FAM171B: variants seen among roughly 807,000 people sequenced by gnomAD.
FAM171B encodes family with sequence similarity 171 member B.
A neutral mutation model predicts 75.6 loss-of-function variants in FAM171B; 19 were observed. The observed-to-expected ratio is 0.25, with a 90% CI of 0.18 to 0.37. The LOEUF is 0.37. FAM171B is among the 10% of genes least tolerant of loss of function. The pLI is 1.00. For synonymous variants in FAM171B, 367 were observed against 361.7 expected (o/e 1.01, Z -0.17); for missense variants, 848 against 982.4 (o/e 0.86, Z 1.83).
chr2:186,720,249 G>A (rs963460604), intron 1 of FAM171B, among the ~76,000 whole-genome samples: 4 of 152,182 alleles, frequency 2.6e-5, no homozygotes, highest in African/African-American at 9.7e-5. Flanking sequence ...TGTTGGCCAG[G>A]CTGATCTCGA....
chr2:186,725,524 G>A (rs1301558698), intron 1 of FAM171B, among the ~76,000 whole-genome samples: 3 of 152,072 alleles, frequency 2.0e-5, no homozygotes, highest in Non-Finnish European at 4.4e-5. Flanking sequence ...ATAAGTATCT[G>A]TGATTGAATT....
chr2:186,728,128 C>T (rs2105781356), intron 1 of FAM171B, among the ~76,000 whole-genome samples: 1 of 152,158 alleles, frequency 6.6e-6, no homozygotes, highest in African/African-American at 2.4e-5. Flanking sequence ...GATCTGGACT[C>T]AAAATGTTGA....
At chr2:186,715,063 T>C (rs1271340937) in intron 1 of FAM171B, among the ~76,000 whole-genome samples, 1 of 152,070 alleles carries the variant, frequency 6.6e-6, no homozygotes, top group Non-Finnish European at 1.5e-5. Context: ...AAATGGAAAA[T>C]TATTCAATAG....
intron 1 of FAM171B, among the ~76,000 whole-genome samples, chr2:186,707,830 CTTTT>C (rs59441406): frequency 5.1e-5 from 5 of 97,416 alleles, no homozygotes; most frequent in African/African-American, 2.0e-4. Context: ...TTAAATACCA[CTTTT>C]TTTTTTTAAA....
intron 1 of FAM171B, among the ~76,000 whole-genome samples, chr2:186,737,068 A>C (rs1690212978): frequency 6.6e-6 from 1 of 152,158 alleles, no homozygotes; most frequent in Admixed American, 6.5e-5. Context: ...GTAGCTAACT[A>C]TTTTCCTGAT....
At chr2:186,746,619 C>A (rs1460540565) in intron 3 of FAM171B, among the ~76,000 whole-genome samples, 2 of 152,204 alleles carry the variant, frequency 1.3e-5, no homozygotes, top group African/African-American at 4.8e-5. Context: ...TGTTACAACT[C>A]CTGGATGTAT....
intron 5 of FAM171B, among the ~76,000 whole-genome samples, chr2:186,752,612 C>A (rs1219896466): frequency 6.6e-6 from 1 of 152,126 alleles, no homozygotes; most frequent in Non-Finnish European, 1.5e-5. Context: ...CTGTTTGAGT[C>A]CTAGTTGCTG....
chr2:186,720,722 G>T (rs62173042), intron 1 of FAM171B, among the ~76,000 whole-genome samples: 6 of 128,934 alleles, frequency 4.7e-5, no homozygotes, highest in Admixed American at 7.7e-5. Flanking sequence ...AAAAAGAAAA[G>T]AAAACAAAAC....
At chr2:186,761,011 A>G (rs553361548) in intron 6 of FAM171B, 102 bp from the exon 7 acceptor site, 56 of 1,237,462 alleles carry the variant, frequency 4.5e-5, no homozygotes, top group Non-Finnish European at 6.0e-5. Flanking sequence ...GCAAACAAAT[A>G]AAAGTATGTA....
At chr2:186,749,172 C>T (rs1256954854) in intron 4 of FAM171B, among the ~76,000 whole-genome samples, 3 of 152,156 alleles carry the variant, frequency 2.0e-5, no homozygotes. Context: ...TTAGTGGTCA[C>T]TTTATTAGAT....
At chr2:186,721,400 A>G (rs927930729) in intron 1 of FAM171B, among the ~76,000 whole-genome samples, 2 of 152,238 alleles carry the variant, frequency 1.3e-5, no homozygotes, top group Admixed American at 1.3e-4. Flanking sequence ...TTGAGGTTAT[A>G]TAAGATTCTC....
intron 1 of FAM171B, among the ~76,000 whole-genome samples, chr2:186,723,657 G>T (rs562534116): frequency 3.0e-4 from 46 of 152,244 alleles, no homozygotes; most frequent in African/African-American, 1.1e-3. Flanking sequence ...AACCTCAAAA[G>T]AATTAGTATA....
In FAM171B at chr2:186,761,143, T is replaced by C. The variant is rs768313648; in HGVS notation, c.1043T>C (p.Ile348Thr). Reference sequence around the variant, plus strand: ...GGTATAAATGAAGATTCCAAGGACATAACTGCCTACCACACAGTGTTTCTT... The same window carrying C: ...GGTATAAATGAAGATTCCAAGGACACAACTGCCTACCACACAGTGTTTCTT... Reference protein sequence around the residue: ...GSGINEDSKDITAYHTVFLTA... With the variant: ...GSGINEDSKDTTAYHTVFLTA... Residue 348 changes from isoleucine (I) to threonine (T), a missense_variant, in exon 7 of 8, where the codon ATA becomes ACA. Physicochemically the swap from Ile to Thr is moderately conservative, Grantham distance 89 (BLOSUM62 -1). Around this residue, in one of 3 missense-constraint regions of FAM171B, gnomAD observed 665 missense variants for 729.0 expected, o/e 0.91. Transcript: ENST00000304698. 1.1e-5 allele frequency: 17 copies of C among 1,611,706 alleles called. No homozygotes were observed. In the South Asian group the frequency reaches 1.9e-4, roughly 18 times the overall value.
intron 1 of FAM171B, chr2:186,695,269 C>G (rs976390714): frequency 3.3e-5 from 5 of 152,246 alleles, no homozygotes; most frequent in African/African-American, 1.2e-4. Flanking sequence ...CTCTTTCCCC[C>G]CATTAAAGCT....
chr2:186,743,027 C>T (rs895116414), intron 2 of FAM171B, among the ~76,000 whole-genome samples: 8 of 152,048 alleles, frequency 5.3e-5, no homozygotes, highest in Non-Finnish European at 7.4e-5. Flanking sequence ...TGCAGAAGAG[C>T]ATTGTGCTCT....
intron 1 of FAM171B, among the ~76,000 whole-genome samples, chr2:186,723,756 G>A (rs1689989679): frequency 1.3e-5 from 2 of 152,158 alleles, no homozygotes; most frequent in Admixed American, 6.5e-5. Flanking sequence ...AATGTTCTGT[G>A]CCAGAAATGA....
intron 1 of FAM171B, among the ~76,000 whole-genome samples, chr2:186,709,874 A>G (rs568485206): frequency 5.3e-5 from 8 of 152,222 alleles, no homozygotes; most frequent in Non-Finnish European, 1.2e-4. Context: ...GTAATTGCAC[A>G]TAGCAGTTGC....
At chr2:186,711,651 A>T (rs961484139) in intron 1 of FAM171B, among the ~76,000 whole-genome samples, 75 of 150,860 alleles carry the variant, frequency 5.0e-4, no homozygotes, top group Non-Finnish European at 1.0e-3. Context: ...ATAAATTATT[A>T]TTTTTTTTTG....
chr2:186,713,238 G>A (rs1689832758), intron 1 of FAM171B, among the ~76,000 whole-genome samples: 2 of 152,192 alleles, frequency 1.3e-5, no homozygotes, highest in South Asian at 4.1e-4. Context: ...ACGGGCATCT[G>A]CCTTTCATGT....
Sources: allele counts gnomAD v4.1 joint callset (sites outside exome capture counted in the v4.1 genomes callset), GRCh38; gene constraint gnomAD v4.1.1; regional missense constraint gnomAD v4.1.1; transcripts MANE v1.5; gene names NCBI Gene and HGNC (gene_info 2026-07-23, HGNC 2026-07-21).